The following HPSE2 variants were observed in gnomAD, a reference collection of about 807,000 sequenced individuals.
HPSE2 encodes the protein inactive heparanase-2.
Under a neutral mutation model 60.5 loss-of-function variants are expected in HPSE2, and 38 were observed. The observed-to-expected ratio is 0.63, with a 90% CI of 0.48 to 0.82. The LOEUF (loss-of-function observed/expected upper bound fraction) is 0.82. Among genes scored for constraint, HPSE2 ranks in the 40% least tolerant of loss-of-function variants. The pLI is 0.00. For synonymous variants in HPSE2, 295 were observed against 293.2 expected (o/e 1.01, Z -0.06); for missense variants, 713 against 740.4 (o/e 0.96, Z 0.43).
intron 5 of HPSE2, among the ~76,000 whole-genome samples, chr10:98,708,232 G>A (rs1948595267): frequency 1.3e-5 from 2 of 152,108 alleles, no homozygotes; most frequent in Admixed American, 6.6e-5. Flanking sequence ...TGAGGTGGGC[G>A]GATCACGAGG....
intron 9 of HPSE2, among the ~76,000 whole-genome samples, chr10:98,582,298 C>T (rs1471666301): frequency 1.3e-5 from 2 of 152,110 alleles, no homozygotes; most frequent in Non-Finnish European, 2.9e-5. Context: ...TGGAACAATA[C>T]CTTTAAATAG....
chr10:98,706,460 C>G (rs1948551203), intron 5 of HPSE2, among the ~76,000 whole-genome samples: 1 of 152,000 alleles, frequency 6.6e-6, no homozygotes, highest in Admixed American at 6.6e-5. Flanking sequence ...ACAATGAAGC[C>G]CAGGAGACAG....
intron 3 of HPSE2, among the ~76,000 whole-genome samples, chr10:99,130,782 A>G (rs1447730518): frequency 1.3e-5 from 2 of 152,230 alleles, no homozygotes; most frequent in African/African-American, 4.8e-5. Context: ...GGGAGTTATC[A>G]ATCGGACAAA....
At chr10:98,779,106 G>C (rs1012607924) in intron 3 of HPSE2, among the ~76,000 whole-genome samples, 2 of 151,972 alleles carry the variant, frequency 1.3e-5, no homozygotes, top group African/African-American at 4.8e-5. Context: ...CTCCTCTTTC[G>C]GTTACTAGGC....
At chr10:98,985,494 C>G (rs966164178) in intron 3 of HPSE2, among the ~76,000 whole-genome samples, 1 of 152,158 alleles carries the variant, frequency 6.6e-6, no homozygotes, top group Non-Finnish European at 1.5e-5. Flanking sequence ...GAAGGAAGCA[C>G]TAAACATGGA....
intron 3 of HPSE2, among the ~76,000 whole-genome samples, chr10:98,749,220 A>G (rs1043659826): frequency 1.1e-4 from 17 of 152,146 alleles, no homozygotes; most frequent in Admixed American, 6.6e-4. Context: ...GACACTTTAA[A>G]AACCAAACAG....
At chr10:98,697,267 G>T (rs1948250180) in intron 5 of HPSE2, among the ~76,000 whole-genome samples, 1 of 152,156 alleles carries the variant, frequency 6.6e-6, no homozygotes. Context: ...TGATTAAAGG[G>T]TACAGGAGCT....
At chr10:98,490,853 A>G (rs965434012) in intron 9 of HPSE2, among the ~76,000 whole-genome samples, 1 of 152,248 alleles carries the variant, frequency 6.6e-6, no homozygotes, top group Non-Finnish European at 1.5e-5. Flanking sequence ...TAATCATTCC[A>G]TGTGTAATTG....
chr10:99,042,027 G>A (rs1564759447), intron 3 of HPSE2, among the ~76,000 whole-genome samples: 1 of 152,072 alleles, frequency 6.6e-6, no homozygotes, highest in Non-Finnish European at 1.5e-5. Flanking sequence ...TTAATTTTAG[G>A]TATAAAAACC....
At chr10:98,624,180 G>A (rs577203581) in intron 7 of HPSE2, among the ~76,000 whole-genome samples, 1,536 of 142,764 alleles carry the variant, frequency 0.011, 28 homozygotes, top group African/African-American at 0.036. Flanking sequence ...TAATAAACAA[G>A]TAAACAAATA....
intron 3 of HPSE2, among the ~76,000 whole-genome samples, chr10:98,943,469 G>A (rs1439373714): frequency 6.6e-6 from 1 of 151,894 alleles, no homozygotes. Context: ...CTCCAAGACA[G>A]GCCCTAATGA....
chr10:99,099,267 A>C (rs1020601552), intron 3 of HPSE2, among the ~76,000 whole-genome samples: 2 of 152,236 alleles, frequency 1.3e-5, no homozygotes, highest in African/African-American at 4.8e-5. Flanking sequence ...GACAGACGGC[A>C]CCTGGAAAAT....
chr10:98,877,514 A>C (rs1327484146), intron 3 of HPSE2, among the ~76,000 whole-genome samples: 2 of 151,918 alleles, frequency 1.3e-5, no homozygotes, highest in Non-Finnish European at 2.9e-5. Flanking sequence ...AGTGGGAACA[A>C]AAATAGGCCC....
chr10:99,095,229 G>T (rs1352256929), intron 3 of HPSE2, among the ~76,000 whole-genome samples: 1 of 151,972 alleles, frequency 6.6e-6, no homozygotes, highest in Non-Finnish European at 1.5e-5. Context: ...GAGAAAAGTT[G>T]TTTTGGTACA....
At chr10:98,920,192 T>C (rs1954241654) in intron 3 of HPSE2, among the ~76,000 whole-genome samples, 1 of 152,198 alleles carries the variant, frequency 6.6e-6, no homozygotes, top group Non-Finnish European at 1.5e-5. Flanking sequence ...GTGGGATTTC[T>C]ATAATGGGGA....
chr10:99,260,867 C>G, the HPSE2 span, among the ~76,000 whole-genome samples: 1 of 152,192 alleles, frequency 6.6e-6, no homozygotes, highest in Non-Finnish European at 1.5e-5. Context: ...CCTCCTTCTT[C>G]TCCCTTAGCC....
chr10:99,251,370 G>C, the HPSE2 span, among the ~76,000 whole-genome samples: 1 of 151,968 alleles, frequency 6.6e-6, no homozygotes, highest in Admixed American at 6.6e-5. Context: ...AAAAAACAAA[G>C]AAGTCCCAGA....
At chr10:98,748,993 C>G (rs1589758780) in intron 3 of HPSE2, among the ~76,000 whole-genome samples, 1 of 152,020 alleles carries the variant, frequency 6.6e-6, no homozygotes, top group East Asian at 1.9e-4. Flanking sequence ...ATACATTCAG[C>G]TTACTTATTG....
intron 3 of HPSE2, among the ~76,000 whole-genome samples, chr10:99,106,519 T>C (rs756494373): frequency 6.6e-6 from 1 of 151,956 alleles, no homozygotes; most frequent in Non-Finnish European, 1.5e-5. Flanking sequence ...ATTTCTGAAA[T>C]AAATCCAACT....
Sources: gnomAD v4.1 joint callset for allele counts (sites outside exome capture counted in the v4.1 genomes callset) on GRCh38, gnomAD v4.1.1 for gene constraint, MANE v1.5 for transcripts, NCBI Gene and HGNC (gene_info 2026-07-23, HGNC 2026-07-21) for gene names.